DCDC2C: variants seen among roughly 807,000 people sequenced by gnomAD.
The protein encoded by DCDC2C is doublecortin domain-containing protein 2C.
In DCDC2C, 44 loss-of-function variants were observed where a neutral mutation model predicts 45.0. The ratio of observed to expected loss-of-function variants is 0.98; its 90% CI spans 0.77 to 1.26. DCDC2C has a LOEUF of 1.26. Ranked by LOEUF, DCDC2C falls within the 50% of genes most tolerant of loss-of-function variation. The pLI, the probability that DCDC2C is intolerant of heterozygous loss-of-function variation, is 0.00. For synonymous variants in DCDC2C, 187 were observed against 178.8 expected (o/e 1.05, Z -0.37); for missense variants, 447 against 468.9 (o/e 0.95, Z 0.43).
At chr2:3,820,919 G>T (rs945222517) in intron 10 of DCDC2C, among the ~76,000 whole-genome samples, 2 of 152,168 alleles carry the variant, frequency 1.3e-5, no homozygotes, top group East Asian at 1.9e-4. Flanking sequence ...TCTCCAGAAG[G>T]AGTCCTCCTG....
chr2:3,750,142 G>A (rs1669502093), intron 4 of DCDC2C, among the ~76,000 whole-genome samples: 1 of 152,042 alleles, frequency 6.6e-6, no homozygotes, highest in Non-Finnish European at 1.5e-5. Context: ...CAGTCAGCAA[G>A]CCTTGGAGAT....
At chr2:3,778,778 A>C in intron 8 of DCDC2C, 38 bp from the exon 9 acceptor site, 1 of 1,540,578 alleles carries the variant, frequency 6.5e-7, no homozygotes, top group Non-Finnish European at 8.8e-7. Context: ...GGAGTTCCAC[A>C]TAAGTAGTTG....
intron 10 of DCDC2C, among the ~76,000 whole-genome samples, chr2:3,837,255 G>A (rs1216401976): frequency 6.6e-6 from 1 of 152,212 alleles, no homozygotes; most frequent in Non-Finnish European, 1.5e-5. Context: ...AGCAATCAGA[G>A]AACTCAATCA....
intron 3 of DCDC2C, among the ~76,000 whole-genome samples, chr2:3,728,966 C>T (rs1323383060): frequency 6.6e-6 from 1 of 152,122 alleles, no homozygotes; most frequent in Non-Finnish European, 1.5e-5. Flanking sequence ...AGATTGAAGC[C>T]CTGGTTCTGG....
At chr2:3,773,943 G>C (rs1670256358) in intron 8 of DCDC2C, among the ~76,000 whole-genome samples, 1 of 152,242 alleles carries the variant, frequency 6.6e-6, no homozygotes, top group African/African-American at 2.4e-5. Context: ...GTCTCAAAGA[G>C]TCAGTGCAAA....
rs1048902327 is a variant in DCDC2C at position 3,742,065 on chromosome 2, C to A, written c.545+17C>A. ...CGTTCGGAAGTAAGGAGACTCTCGC[C>A]TTTAGGACAGCCAGGGGGCGGCAGC... On this transcript the variant is annotated intron_variant, in intron 4 of 10. Transcript: ENST00000399143. 1.3e-6 allele frequency: 2 copies of A among 1,513,458 alleles called. No homozygotes were observed. The highest frequency in any genetic ancestry group is 8.8e-7 in the Non-Finnish European group (1 of 1,131,090). 93.8% of individuals were successfully genotyped at this position (1,513,458 alleles called of 1,614,324 possible).
At chr2:3,812,243 A>G (rs570793059) in intron 10 of DCDC2C, among the ~76,000 whole-genome samples, 32 of 151,124 alleles carry the variant, frequency 2.1e-4, no homozygotes, top group African/African-American at 6.8e-4. Flanking sequence ...GCTATTAATT[A>G]CTGCCTCAAT....
intron 3 of DCDC2C, among the ~76,000 whole-genome samples, chr2:3,728,017 C>G (rs1668745038): frequency 6.6e-6 from 1 of 152,188 alleles, no homozygotes; most frequent in African/African-American, 2.4e-5. Flanking sequence ...TTACCATGTT[C>G]TAGTCTAAAT....
At chr2:3,846,944 C>T (rs530205804) in intron 10 of DCDC2C, among the ~76,000 whole-genome samples, 77 of 152,340 alleles carry the variant, frequency 5.1e-4, no homozygotes, top group African/African-American at 1.7e-3. Flanking sequence ...TTTCCTGCGG[C>T]GGTTCTGCAC....
intron 10 of DCDC2C, among the ~76,000 whole-genome samples, chr2:3,834,476 C>T (rs371172244): frequency 5.9e-5 from 9 of 152,192 alleles, no homozygotes; most frequent in East Asian, 3.8e-4. Flanking sequence ...AGACTATAAA[C>T]GCTTAGCGGG....
At chr2:3,751,311 C>T (rs1669534644) in intron 4 of DCDC2C, among the ~76,000 whole-genome samples, 1 of 152,180 alleles carries the variant, frequency 6.6e-6, no homozygotes. Flanking sequence ...CTGTCCAAGT[C>T]CACCAAAGGG....
Position 3,752,815 on chromosome 2 carries a change from A to G in DCDC2C, c.598A>G (p.Asn200Asp). Residue 200 changes from asparagine (N) to aspartate (D), a missense_variant, in exon 5 of 11, where the codon AAT becomes GAT. Asn to Asp is a conservative substitution (Grantham distance 23, BLOSUM62 1). Transcript: ENST00000399143. ...GGGCGACTCAAAGGATTTGCAAGAC[A>G]ATCACTTTTATGTTGCTGTGGGACT... ...LLGDSKDLQD[N>D]HFYVAVGLET... is the part of the protein sequence containing the mutation. The G allele has an allele frequency of 6.4e-7, 1 of 1,550,552 alleles. No homozygotes were observed. Among genetic ancestry groups the G allele is most frequent in the South Asian group, 1.2e-5 (1 of 84,060 alleles).
At chr2:3,776,262 A>G (rs1337417708) in intron 8 of DCDC2C, among the ~76,000 whole-genome samples, 1 of 151,718 alleles carries the variant, frequency 6.6e-6, no homozygotes, top group Non-Finnish European at 1.5e-5. Flanking sequence ...AGTAAAAACA[A>G]CTCTTTCTTG....
chr2:3,784,490 G>A (rs1172589406), intron 9 of DCDC2C, among the ~76,000 whole-genome samples: 1 of 152,036 alleles, frequency 6.6e-6, no homozygotes, highest in African/African-American at 2.4e-5. Context: ...GACAGGAAGA[G>A]AGAGAGGGAG....
intron 6 of DCDC2C, among the ~76,000 whole-genome samples, chr2:3,757,045 A>T (rs893534218): frequency 6.6e-6 from 1 of 152,242 alleles, no homozygotes; most frequent in Non-Finnish European, 1.5e-5. Flanking sequence ...AAGATGTATT[A>T]TCTTAAAACT....
chr2:3,782,497 G>A (rs138907181), intron 9 of DCDC2C, among the ~76,000 whole-genome samples: 16 of 138,520 alleles, frequency 1.2e-4, no homozygotes, highest in African/African-American at 3.5e-4. Context: ...TTTTTTTTTC[G>A]AGACGAAGTC....
At chr2:3,709,492 C>T (rs1359768167) in intron 2 of DCDC2C, among the ~76,000 whole-genome samples, 2 of 152,242 alleles carry the variant, frequency 1.3e-5, no homozygotes, top group African/African-American at 4.8e-5. Flanking sequence ...CAGAAGCGTT[C>T]CGCTGCCTTC....
intron 8 of DCDC2C, among the ~76,000 whole-genome samples, chr2:3,773,611 C>A (rs912548512): frequency 2.0e-5 from 3 of 152,210 alleles, no homozygotes; most frequent in Non-Finnish European, 4.4e-5. Flanking sequence ...TACATTTTTA[C>A]AAAAGCAAGG....
intron 4 of DCDC2C, among the ~76,000 whole-genome samples, chr2:3,746,876 C>G (rs184740012): frequency 6.6e-6 from 1 of 151,984 alleles, no homozygotes; most frequent in Non-Finnish European, 1.5e-5. Context: ...GCGGATCTGT[C>G]CTGGGTTCTA....
Sources: gnomAD v4.1 joint callset for allele counts (sites outside exome capture counted in the v4.1 genomes callset) on GRCh38, gnomAD v4.1.1 for gene constraint, MANE v1.5 for transcripts, NCBI Gene and HGNC (gene_info 2026-07-23, HGNC 2026-07-21) for gene names.